RELN: variants seen among roughly 807,000 people sequenced by gnomAD.
The protein encoded by RELN is reelin.
In RELN, 108 loss-of-function variants were observed where a neutral mutation model predicts 427.6. The ratio of observed to expected loss-of-function variants is 0.25; its 90% CI spans 0.22 to 0.30. The LOEUF is 0.30. Among genes scored for constraint, RELN ranks in the 10% least tolerant of loss-of-function variants. The pLI, the probability that RELN is intolerant of heterozygous loss-of-function variation, is 1.00. For synonymous variants in RELN, 1,524 were observed against 1,513.4 expected (o/e 1.01, Z -0.16); for missense variants, 3,715 against 4,302.8 (o/e 0.86, Z 3.82).
intron 14 of RELN, 72 bp downstream of exon 14, chr7:103,652,479 T>A: frequency 8.4e-7 from 1 of 1,189,508 alleles, no homozygotes; most frequent in Non-Finnish European, 1.2e-6. Flanking sequence ...ACCTAGAAAC[T>A]ACCTCTTATT....
At chr7:103,956,997 TA>T (rs2116778322) in intron 1 of RELN, among the ~76,000 whole-genome samples, 1 of 152,194 alleles carries the variant, frequency 6.6e-6, no homozygotes, top group East Asian at 1.9e-4. Flanking sequence ...CAGACACAGG[TA>T]ACAGGAGACT....
intron 3 of RELN, among the ~76,000 whole-genome samples, chr7:103,795,833 G>A (rs185718864): frequency 6.6e-6 from 1 of 152,290 alleles, no homozygotes; most frequent in African/African-American, 2.4e-5. Flanking sequence ...TGGATAAGTA[G>A]CAACAAGGAA....
rs555437288 is a variant in RELN at position 103,601,576 on chromosome 7, T to C, written c.3333+1728A>G. On this transcript the variant is annotated intron_variant, in intron 24 of 64. Transcript: ENST00000428762. ...GGGACACCTCCAATTGCCTCAGAATTGGTGGCTATATTACCTGCTTGAAAG... is the reference window on the plus strand; with the variant it reads ...GGGACACCTCCAATTGCCTCAGAATCGGTGGCTATATTACCTGCTTGAAAG... 8.5e-5 allele frequency among the ~76,000 whole-genome samples: 13 copies of C among 152,346 alleles called. No individual in the cohort carries two copies. In the South Asian group the frequency reaches 2.7e-3, roughly 32 times the overall value.
intron 4 of RELN, among the ~76,000 whole-genome samples, chr7:103,759,596 G>A (rs1178548374): frequency 1.3e-5 from 2 of 152,082 alleles, no homozygotes; most frequent in South Asian, 4.1e-4. Context: ...ATATCTTTGG[G>A]AAAGGTGAAA....
rs756083568 is a variant in RELN, at chr7:103,472,420, T to TAC, written c.*390_*391dup. 3.7e-6 allele frequency: 1 copy of TAC among 269,484 alleles called. No homozygotes were observed. Among genetic ancestry groups the TAC allele is most frequent in the African/African-American group, 2.2e-5 (1 of 44,556 alleles). 16.7% of individuals were successfully genotyped at this position (269,484 alleles called of 1,614,324 possible). Reference sequence around the variant, plus strand: ...TATAAAACATGAGACATAGCCGAAATACAGTCCACTTAAATAGCTTTGTGA... The same window carrying TAC: ...TATAAAACATGAGACATAGCCGAAATACACAGTCCACTTAAATAGCTTTGTGA... On this transcript the variant is annotated 3_prime_UTR_variant, in exon 65 of 65. Transcript: ENST00000428762.
Position 103,604,363 on chromosome 7 carries a change from G to C in RELN, c.3129C>G (p.Cys1043Trp), listed in dbSNP as rs149062691. 2.5e-6 allele frequency: 4 copies of C among 1,613,636 alleles called. No individual in the cohort carries two copies. In the African/African-American group the frequency reaches 5.3e-5, roughly 22 times the overall value. ...GCACATACCTGCATATGCCATGATC[G>C]CATGAGCCATGCCCACTGCACATGT... Reference protein sequence around the residue: ...CPNMCSGHGSCDHGICRCDQG... With the variant: ...CPNMCSGHGSWDHGICRCDQG... Residue 1043 changes from cysteine to tryptophan, a missense_variant, in exon 23 of 65, where the codon TGC becomes TGG. By Grantham distance (215) the Cys-to-Trp change is radical. Around this residue, in one of 4 missense-constraint regions of RELN, gnomAD observed 2,208 missense variants for 2,361.7 expected, o/e 0.93. Coordinates refer to ENST00000428762, the MANE Select transcript of RELN (RefSeq NM_005045.4).
At chr7:103,497,350 C>T (rs1828871940) in intron 55 of RELN, among the ~76,000 whole-genome samples, 1 of 152,136 alleles carries the variant, frequency 6.6e-6, no homozygotes, top group African/African-American at 2.4e-5. Context: ...TTAGCTACTT[C>T]AGAATAACAA....
chr7:103,630,834 G>A (rs912796592), intron 19 of RELN, among the ~76,000 whole-genome samples: 1 of 148,424 alleles, frequency 6.7e-6, no homozygotes, highest in African/African-American at 2.5e-5. Context: ...ACACTGAAAG[G>A]GCTGAGTTAT....
At chr7:103,809,435 T>C (rs1584258109) in intron 3 of RELN, among the ~76,000 whole-genome samples, 1 of 151,298 alleles carries the variant, frequency 6.6e-6, no homozygotes, top group African/African-American at 2.4e-5. Flanking sequence ...CCACCTGTGC[T>C]ACAGGCCTCG....
At position 103,661,499 on chromosome 7, in the gene RELN, T is replaced by C. The variant is rs1186857110; in HGVS notation, c.1318A>G (p.Thr440Ala). The C allele has an allele frequency of 6.2e-7, 1 of 1,613,616 alleles. No individual in the cohort carries two copies. Among genetic ancestry groups the C allele is most frequent in the East Asian group, 2.2e-5 (1 of 44,778 alleles). ...GWDVLGAVIG[T>A]ECGTIESGLS... ...CCTGATTCTATCGTTCCACATTCTGTACCAATGACAGCTCCCAAGACATCC... is the reference window on the plus strand; with the variant it reads ...CCTGATTCTATCGTTCCACATTCTGCACCAATGACAGCTCCCAAGACATCC... Residue 440 changes from threonine (T) to alanine (A), a missense_variant, in exon 12 of 65, where the codon ACA becomes GCA. By Grantham distance (58) the Thr-to-Ala change is moderately conservative. Around this residue, in one of 4 missense-constraint regions of RELN, gnomAD observed 2,208 missense variants for 2,361.7 expected, o/e 0.93. Transcript: ENST00000428762.
intron 1 of RELN, among the ~76,000 whole-genome samples, chr7:103,978,179 C>T (rs952561984): frequency 1.3e-5 from 2 of 152,150 alleles, no homozygotes; most frequent in Admixed American, 1.3e-4. Flanking sequence ...TGAATGTATT[C>T]TTCCTAACCG....
chr7:103,518,230 A>G (rs1406577549), intron 49 of RELN, among the ~76,000 whole-genome samples: 1 of 151,884 alleles, frequency 6.6e-6, no homozygotes, highest in African/African-American at 2.4e-5. Flanking sequence ...CTTAACTGAT[A>G]TATTGAATTT....
chr7:103,731,459 C>T (rs1294975163), intron 6 of RELN, among the ~76,000 whole-genome samples: 1 of 151,942 alleles, frequency 6.6e-6, no homozygotes. Flanking sequence ...AAACAATGCC[C>T]CAATTAATTG....
At chr7:103,742,577 T>C (rs1050147699) in intron 6 of RELN, among the ~76,000 whole-genome samples, 4 of 151,990 alleles carry the variant, frequency 2.6e-5, no homozygotes, top group African/African-American at 7.3e-5. Context: ...TTAAAGGAGC[T>C]GATGGAGCTG....
intron 48 of RELN, among the ~76,000 whole-genome samples, chr7:103,520,954 GTTAT>G (rs1829686973): frequency 9.0e-5 from 7 of 78,188 alleles, no homozygotes; most frequent in Admixed American, 1.5e-4. Context: ...CAGTAAATTT[GTTAT>G]TTTTTTTTTT....
At chr7:103,653,008 C>T (rs1457755527) in intron 13 of RELN, among the ~76,000 whole-genome samples, 1 of 152,044 alleles carries the variant, frequency 6.6e-6, no homozygotes, top group Non-Finnish European at 1.5e-5. Flanking sequence ...CAGGCTCTCC[C>T]TAACTGAAGA....
intron 1 of RELN, among the ~76,000 whole-genome samples, chr7:103,931,082 A>G (rs1795854355): frequency 6.6e-6 from 1 of 152,104 alleles, no homozygotes; most frequent in South Asian, 2.1e-4. Context: ...CCAGGGGATC[A>G]GATCCTTTAT....
At chr7:103,880,780 C>T (rs1431957824) in intron 2 of RELN, among the ~76,000 whole-genome samples, 1 of 152,128 alleles carries the variant, frequency 6.6e-6, no homozygotes, top group East Asian at 1.9e-4. Flanking sequence ...GCAGCCTCAA[C>T]TTTCTGGGCT....
intron 3 of RELN, among the ~76,000 whole-genome samples, chr7:103,790,308 A>G (rs1394924650): frequency 6.6e-6 from 1 of 152,164 alleles, no homozygotes; most frequent in Non-Finnish European, 1.5e-5. Flanking sequence ...TGTTCTGCAC[A>G]TGTATTCCAG....
Sources: allele counts gnomAD v4.1 joint callset (sites outside exome capture counted in the v4.1 genomes callset), GRCh38; gene constraint gnomAD v4.1.1; regional missense constraint gnomAD v4.1.1; transcripts MANE v1.5; gene names NCBI Gene and HGNC (gene_info 2026-07-23, HGNC 2026-07-21).